PTPRG: variants seen among roughly 807,000 people sequenced by gnomAD.
PTPRG encodes protein tyrosine phosphatase receptor type G.
PTPRG carries 102 observed loss-of-function variants against 165.3 expected under a neutral mutation model. That is an observed-to-expected ratio of 0.62 (90% CI 0.53 to 0.73). PTPRG has a LOEUF of 0.73. PTPRG is among the 30% of genes least tolerant of loss of function. The pLI, the probability that PTPRG is intolerant of heterozygous loss-of-function variation, is 0.00. For synonymous variants in PTPRG, 675 were observed against 669.5 expected (o/e 1.01, Z -0.13); for missense variants, 1,866 against 1,861.4 (o/e 1.00, Z -0.05).
rs1326647764 is a variant in PTPRG, at chr3:62,295,128, C to T, written c.*1821C>T. On this transcript the variant is annotated 3_prime_UTR_variant, in exon 30 of 30. Transcript: ENST00000474889. Reference sequence around the variant, plus strand: ...CTTTTCAAGAGCTGCGTAAGCTAGTCCTGAGATAAGATGTTCAAGAGAGCA... The same window carrying T: ...CTTTTCAAGAGCTGCGTAAGCTAGTTCTGAGATAAGATGTTCAAGAGAGCA... 6.6e-6 allele frequency: 1 copy of T among 152,102 alleles called. No individual in the cohort carries two copies. Among genetic ancestry groups the T allele is most frequent in the African/African-American group, 2.4e-5 (1 of 41,436 alleles). 9.4% of individuals were successfully genotyped at this position (152,102 alleles called of 1,614,324 possible). A position where few individuals can be genotyped will look rare whatever the true frequency, so the allele number is the denominator to read the frequency against.
At chr3:62,090,539 T>G (rs959314685) in intron 5 of PTPRG, among the ~76,000 whole-genome samples, 4 of 152,180 alleles carry the variant, frequency 2.6e-5, no homozygotes, top group Non-Finnish European at 5.9e-5. Flanking sequence ...TTTCTCTCTA[T>G]TTTGAATTTT....
chr3:62,114,017 G>A (rs183943093), intron 5 of PTPRG, among the ~76,000 whole-genome samples: 168 of 152,278 alleles, frequency 1.1e-3, no homozygotes, highest in Non-Finnish European at 6.0e-4. Flanking sequence ...GTGGCTTTCC[G>A]ACCGGGTGTG....
chr3:62,259,264 C>T lies in PTPRG; in HGVS notation c.2560-3534C>T, dbSNP rs188047515. 5.3e-5 allele frequency among the ~76,000 whole-genome samples: 8 copies of T among 152,258 alleles called. No homozygotes were observed. In the East Asian group the frequency reaches 7.7e-4, roughly 15 times the overall value. ...TCTGGTCAGAGGTGTAATGCTGCAC[C>T]GACTGCTGCCTGCAAGAGGGCAGAA... On this transcript the variant is annotated intron_variant, in intron 16 of 29. Transcript: ENST00000474889.
chr3:62,057,681 G>A (rs1252767997), intron 4 of PTPRG, among the ~76,000 whole-genome samples: 2 of 152,208 alleles, frequency 1.3e-5, no homozygotes, highest in African/African-American at 4.8e-5. Flanking sequence ...CAGTGCTGAT[G>A]TATGGGAGTC....
intron 2 of PTPRG, among the ~76,000 whole-genome samples, chr3:61,969,651 T>A (rs2040341572): frequency 6.6e-6 from 1 of 152,152 alleles, no homozygotes; most frequent in South Asian, 2.1e-4. Context: ...ATAAATAACC[T>A]ACAGACTCGG....
intron 1 of PTPRG, among the ~76,000 whole-genome samples, chr3:61,619,129 C>T (rs973253027): frequency 6.6e-6 from 1 of 151,942 alleles, no homozygotes; most frequent in African/African-American, 2.4e-5. Flanking sequence ...TGCATTCCAG[C>T]CTGGGCAAAA....
intron 2 of PTPRG, among the ~76,000 whole-genome samples, chr3:61,930,826 G>A (rs982806459): frequency 4.6e-5 from 7 of 152,184 alleles, no homozygotes; most frequent in Non-Finnish European, 8.8e-5. Context: ...TTGGGAGGCC[G>A]AGGCCGGTGG....
chr3:61,794,499 A>T (rs997532060), intron 2 of PTPRG, among the ~76,000 whole-genome samples: 1 of 152,162 alleles, frequency 6.6e-6, no homozygotes, highest in Non-Finnish European at 1.5e-5. Context: ...GAAGTCTTTC[A>T]TCTCTTAGGT....
At position 62,037,116 on chromosome 3, in the gene PTPRG, A is replaced by T. The variant is rs531926452; in HGVS notation, c.519+33619A>T. Among the ~76,000 whole-genome samples, 431 of 152,304 alleles carry T rather than the reference A, an allele frequency of 2.8e-3. 1 individual carries two copies. Among genetic ancestry groups the T allele is most frequent in the Non-Finnish European group, 4.6e-3 (316 of 68,020 alleles). On this transcript the variant is annotated intron_variant, in intron 4 of 29. Coordinates refer to ENST00000474889, the MANE Select transcript of PTPRG (RefSeq NM_002841.4). ...GCTTTATCAGAGAAGTACTCATTTT[A>T]TCCCTAGTTTACAGATTTGGAACCT...
chr3:61,597,729 A>G (rs1700739875), intron 1 of PTPRG, among the ~76,000 whole-genome samples: 1 of 152,146 alleles, frequency 6.6e-6, no homozygotes, highest in Non-Finnish European at 1.5e-5. Context: ...AAGACCCTGT[A>G]TTTCTTTGAC....
rs1356441306 is a variant in PTPRG at position 62,203,720 on chromosome 3, C to T, written c.1925C>T (p.Pro642Leu). ...GCCGAGGGAGGGCATCAGACTATAC[C>T]TGGGCATGAGCAGGATCACACTGCC... ...RTAEGGHQTI[P>L]GHEQDHTAVP... is the part of the protein sequence containing the mutation. Residue 642 changes from proline (P) to leucine (L), a missense_variant, in exon 12 of 30, where the codon CCT becomes CTT. This residue lies in a region of PTPRG where 1,452 missense variants were observed against 1,463.0 expected (regional missense o/e 0.99). Transcript: ENST00000474889. This position sits in a 1 kb window ranked among gnomAD's most constrained non-coding sequence, Gnocchi z 6.4. 5.7e-6 allele frequency: 9 copies of T among 1,589,260 alleles called. No individual in the cohort carries two copies. Among genetic ancestry groups the T allele is most frequent in the South Asian group, 1.1e-5 (1 of 87,874 alleles).
chr3:61,864,646 C>T (rs1035945620), intron 2 of PTPRG, among the ~76,000 whole-genome samples: 1 of 152,160 alleles, frequency 6.6e-6, no homozygotes, highest in African/African-American at 2.4e-5. Context: ...AGCTATAATT[C>T]TCTGGCTGCT....
At chr3:61,728,153 G>C (rs768731407) in intron 1 of PTPRG, among the ~76,000 whole-genome samples, 1 of 152,212 alleles carries the variant, frequency 6.6e-6, no homozygotes, top group East Asian at 1.9e-4. Context: ...GTGAATTACA[G>C]AGTCCCATAT....
chr3:62,171,904 C>T (rs1443314884), intron 8 of PTPRG, among the ~76,000 whole-genome samples: 1 of 152,152 alleles, frequency 6.6e-6, no homozygotes, highest in Non-Finnish European at 1.5e-5. Flanking sequence ...CCTTCGTCTG[C>T]CCTGTATGTC....
At chr3:62,247,837 A>C (rs1343794121) in intron 15 of PTPRG, among the ~76,000 whole-genome samples, 2 of 152,158 alleles carry the variant, frequency 1.3e-5, no homozygotes, top group African/African-American at 4.8e-5. Context: ...AACTATTATA[A>C]AATAGGTAAA....
chr3:62,066,516 CAA>C (rs35437109), intron 4 of PTPRG, among the ~76,000 whole-genome samples: 102,048 of 151,848 alleles, frequency 0.67, 36,333 homozygotes, highest in Non-Finnish European at 0.79. Context: ...ACAAAGAGCA[CAA>C]ACACTGTGGT....
chr3:61,940,574 C>G (rs1320906967), intron 2 of PTPRG, among the ~76,000 whole-genome samples: 1 of 152,048 alleles, frequency 6.6e-6, no homozygotes, highest in African/African-American at 2.4e-5. Flanking sequence ...TTGTTTTGTT[C>G]TCTTGGTAGA....
chr3:62,025,891 A>T (rs552648586), intron 4 of PTPRG, among the ~76,000 whole-genome samples: 16 of 142,532 alleles, frequency 1.1e-4, no homozygotes, highest in African/African-American at 4.0e-4. Context: ...CCATTTTTAT[A>T]TTCTTTCCCA....
intron 6 of PTPRG, among the ~76,000 whole-genome samples, chr3:62,154,163 G>T (rs1704449618): frequency 6.6e-6 from 1 of 152,148 alleles, no homozygotes; most frequent in Non-Finnish European, 1.5e-5. Flanking sequence ...GAGTTGCTGG[G>T]GTCTTGAGCA....
Sources: allele counts gnomAD v4.1 joint callset (sites outside exome capture counted in the v4.1 genomes callset), GRCh38; gene constraint gnomAD v4.1.1; regional missense constraint gnomAD v4.1.1; non-coding constraint Gnocchi (gnomAD v3.1); transcripts MANE v1.5; gene names NCBI Gene and HGNC (gene_info 2026-07-23, HGNC 2026-07-21).